The following ATP1A4 variants were observed in gnomAD, a reference collection of about 807,000 sequenced individuals.
ATP1A4 encodes the protein sodium/potassium-transporting ATPase subunit alpha-4.
In ATP1A4, 90 loss-of-function variants were observed where a neutral mutation model predicts 114.3. The observed-to-expected ratio is 0.79, with a 90% CI of 0.66 to 0.94. ATP1A4 has a LOEUF of 0.94. ATP1A4 is among the 40% of genes least tolerant of loss of function. The pLI is 0.00. For missense variants in ATP1A4, 1,222 were observed against 1,313.6 expected (o/e 0.93, Z 1.08); for synonymous variants, 511 against 494.1 (o/e 1.03, Z -0.45).
At chr1:160,165,174 T>C (rs1358404359) in intron 7 of ATP1A4, among the ~76,000 whole-genome samples, 1 of 152,224 alleles carries the variant, frequency 6.6e-6, no homozygotes, top group Non-Finnish European at 1.5e-5. Context: ...ATGCTCTAGT[T>C]TGTCAATATT....
chr1:160,165,821 T>A (rs1451748671), intron 7 of ATP1A4, among the ~76,000 whole-genome samples: 3 of 152,192 alleles, frequency 2.0e-5, no homozygotes, highest in Non-Finnish European at 4.4e-5. Flanking sequence ...TAGCTATCTA[T>A]GTGGTCCCTG....
intron 4 of ATP1A4, among the ~76,000 whole-genome samples, chr1:160,157,713 G>A (rs1204190247): frequency 2.0e-5 from 3 of 152,204 alleles, no homozygotes; most frequent in Non-Finnish European, 4.4e-5. Flanking sequence ...CAGGAAAAGA[G>A]TATACACAGA....
At chr1:160,159,593 TG>T in intron 6 of ATP1A4, 67 bp downstream of exon 6, 2 of 1,411,426 alleles carry the variant, frequency 1.4e-6, no homozygotes, top group Non-Finnish European at 2.0e-6. Flanking sequence ...TTTTAATAAC[TG>T]TCTTCTAAAG....
At chr1:160,167,189 C>T in intron 9 of ATP1A4, 89 bp from the exon 10 acceptor site, 1 of 1,562,390 alleles carries the variant, frequency 6.4e-7, no homozygotes, top group Non-Finnish European at 8.7e-7. Flanking sequence ...CCGCCCTCCC[C>T]ATTTGTCCCC....
intron 20 of ATP1A4, among the ~76,000 whole-genome samples, chr1:160,184,547 T>TA (rs983487572): frequency 2.6e-5 from 4 of 151,734 alleles, no homozygotes; most frequent in Admixed American, 1.3e-4. Flanking sequence ...TCCCTGTCTC[T>TA]AAAAAAAACA....
intron 17 of ATP1A4, 69 bp from the exon 18 acceptor site, chr1:160,177,449 TC>T: frequency 6.4e-7 from 1 of 1,560,878 alleles, no homozygotes; most frequent in Non-Finnish European, 8.7e-7. Flanking sequence ...CCCCCAGCCC[TC>T]CCCTGGCCTA....
Position 160,176,624 on chromosome 1 carries a change from G to A in ATP1A4, c.2590+22G>A, listed in dbSNP as rs751065431. On this transcript the variant is annotated intron_variant, in intron 17 of 21. Transcript: ENST00000368081. The stretch of plus-strand genomic sequence containing the variant: ...ATTGGTGCGCCCAGAGGAATGAGGG[G>A]TGGAGGGAGCAGGGAGTGGTTTCCC... 13 of 1,610,478 alleles carry A rather than the reference G, an allele frequency of 8.1e-6. No homozygotes were observed. In the Middle Eastern group the frequency reaches 5.0e-4, roughly 62 times the overall value.
chr1:160,151,778 C>A lies in ATP1A4; in HGVS notation c.-263C>A. 1 of 401,414 alleles carries A rather than the reference C, an allele frequency of 2.5e-6. No individual in the cohort carries two copies. Among genetic ancestry groups the A allele is most frequent in the Non-Finnish European group, 4.5e-6 (1 of 221,518 alleles). The allele number at this position is 401,414 out of a possible 1,614,324, so 24.9% of individuals were successfully genotyped here. ...CTTCCACCCTAGGCTTCTCTCCTCCCTCTTCCCTCACTCCTGACTCTTCCT... is the reference window on the plus strand; with the variant it reads ...CTTCCACCCTAGGCTTCTCTCCTCCATCTTCCCTCACTCCTGACTCTTCCT... On this transcript the variant is annotated 5_prime_UTR_variant, in exon 1 of 22. Transcript: ENST00000368081.
In ATP1A4 at chr1:160,174,257, G is replaced by A. The variant is rs771369765; in HGVS notation, c.2138G>A (p.Arg713Lys). ...CTCATCATTGTCGAGGGATGTCAGA[G>A]GCTGGTAAGGAACGAAAAGGAGCCC... ...QKLIIVEGCQRLGAVVAVTGD... is the reference protein window; with the variant it reads ...QKLIIVEGCQKLGAVVAVTGD... Residue 713 changes from arginine (R) to lysine (K), a missense_variant, in exon 14 of 22, where the codon AGG becomes AAG. By Grantham distance (26) the Arg-to-Lys change is conservative (BLOSUM62 2). Coordinates refer to ENST00000368081, the MANE Select transcript of ATP1A4 (RefSeq NM_144699.4). The A allele has an allele frequency of 8.1e-6, 13 of 1,614,002 alleles. No individual in the cohort carries two copies. Among genetic ancestry groups the A allele is most frequent in the Middle Eastern group, 1.6e-4 (1 of 6,084 alleles).
Position 160,152,130 on chromosome 1 carries a change from G to A in ATP1A4, c.90G>A (p.Met30Ile). The A allele has an allele frequency of 1.2e-6, 2 of 1,614,076 alleles. No homozygotes were observed. The highest frequency in any genetic ancestry group is 1.7e-6 in the Non-Finnish European group (2 of 1,180,004). The part of the protein sequence containing the change: ...RPKKGLIKKK[M>I]VKREKQKRNM... ...AAAAAGGGCTTATCAAGAAAAAAAT[G>A]GTGAAGAGGGAAAAACAGAAGCGCA... is the stretch of plus-strand genomic sequence containing the variant. Residue 30 changes from methionine to isoleucine, a missense_variant, in exon 1 of 22, where the codon ATG (methionine) becomes ATA (isoleucine). Coordinates refer to ENST00000368081, the MANE Select transcript of ATP1A4 (RefSeq NM_144699.4).
chr1:160,166,775 G>A (rs1422297052), intron 8 of ATP1A4, 49 bp downstream of exon 8: 2 of 1,610,152 alleles, frequency 1.2e-6, no homozygotes, highest in Admixed American at 3.3e-5. Flanking sequence ...TGGGGGATGT[G>A]ATGAGTGAGC....
At chr1:160,161,398 C>T (rs58599621) in intron 6 of ATP1A4, among the ~76,000 whole-genome samples, 7,013 of 152,240 alleles carry the variant, frequency 0.046, 432 homozygotes, top group African/African-American at 0.14. Flanking sequence ...TCTGGCAATA[C>T]ATGGAAGGTG....
rs1418231014 is a variant in ATP1A4 at position 160,165,636 on chromosome 1, G to A, written c.1048-892G>A. Among the ~76,000 whole-genome samples, 5 of 151,860 alleles carry A rather than the reference G, an allele frequency of 3.3e-5. No homozygotes were observed. The South Asian group carries it at 6.3e-4, about 19-fold the overall frequency. On this transcript the variant is annotated intron_variant, in intron 7 of 21. Coordinates refer to ENST00000368081, the MANE Select transcript of ATP1A4 (RefSeq NM_144699.4). ...AAATTAGACAGGCATGGTGGCTGGC[G>A]CCTGTAGTCCCAGCTACTTGGGAAG...
chr1:160,176,354 C>A, intron 16 of ATP1A4, 108 bp downstream of exon 16: 1 of 1,581,542 alleles, frequency 6.3e-7, no homozygotes, highest in South Asian at 1.1e-5. Context: ...CACTTATGAT[C>A]CAGCTCTCGC....
In ATP1A4 at chr1:160,151,667, C is replaced by T. The variant is rs146890669; in HGVS notation, c.-374C>T. ...ATTTCCCACCTTCCTGTGGGCCTTG[C>T]GGCATCTTCATCACTGAGGCACCTG... On this transcript the variant is annotated 5_prime_UTR_variant, in exon 1 of 22. Transcript: ENST00000368081. 2 of 170,860 alleles carry T rather than the reference C, an allele frequency of 1.2e-5. No individual in the cohort carries two copies. The highest frequency in any genetic ancestry group is 1.8e-4 in the South Asian group (1 of 5,610). The allele number at this position is 170,860 out of a possible 1,614,324, so 10.6% of individuals were successfully genotyped here.
At chr1:160,172,229 GCTGGT>G (rs1258927461) in intron 12 of ATP1A4, among the ~76,000 whole-genome samples, 2 of 152,198 alleles carry the variant, frequency 1.3e-5, no homozygotes, top group Non-Finnish European at 2.9e-5. Context: ...TGCTGTTGCT[GCTGGT>G]CTGCAGACCA....
chr1:160,172,091 C>A (rs1011097831), intron 12 of ATP1A4, among the ~76,000 whole-genome samples: 1 of 152,148 alleles, frequency 6.6e-6, no homozygotes, highest in Non-Finnish European at 1.5e-5. Context: ...TGAGAACCAG[C>A]GTCCAGCCCA....
At chr1:160,166,756 G>A (rs369082636) in intron 8 of ATP1A4, 30 bp downstream of exon 8, 5 of 1,613,524 alleles carry the variant, frequency 3.1e-6, no homozygotes, top group African/African-American at 1.3e-5. Flanking sequence ...GAACAAGAGT[G>A]GAGGGATTTG....
At position 160,181,806 on chromosome 1, in the gene ATP1A4, G is replaced by C. The variant is rs2101657724; in HGVS notation, c.2859G>C (p.Gln953His). The C allele has an allele frequency of 6.2e-7, 1 of 1,605,696 alleles. No individual in the cohort carries two copies. The highest frequency in any genetic ancestry group is 8.5e-7 in the Non-Finnish European group (1 of 1,178,186). The part of the protein sequence containing the change: ...SKTRRNSLFQ[Q>H]GMRNKVLIFG... ...CTCGCCGCAACTCACTTTTCCAGCA[G>C]GGCATGAGGTGAACATCTCACAAAA... The change falls in exon 19 of 22, where the codon CAG (glutamine) becomes CAC (histidine). Residue 953 changes from glutamine to histidine, a missense_variant. Transcript: ENST00000368081.
Sources: allele counts gnomAD v4.1 joint callset (sites outside exome capture counted in the v4.1 genomes callset), GRCh38; gene constraint gnomAD v4.1.1; transcripts MANE v1.5; gene names NCBI Gene and HGNC (gene_info 2026-07-23, HGNC 2026-07-21).